NYAP2: variants seen among roughly 807,000 people sequenced by gnomAD.
NYAP2 encodes the protein neuronal tyrosine-phosphorylated phosphoinositide-3-kinase adapter 2.
Under a neutral mutation model 50.4 loss-of-function variants are expected in NYAP2, and 23 were observed. That is an observed-to-expected ratio of 0.46 (90% CI 0.33 to 0.65). The LOEUF is 0.65. Among genes scored for constraint, NYAP2 ranks in the 30% least tolerant of loss-of-function variants. NYAP2 has a pLI of 0.02. For missense variants in NYAP2, 885 were observed against 861.0 expected (o/e 1.03, Z -0.35); for synonymous variants, 394 against 365.2 (o/e 1.08, Z -0.90).
chr2:225,563,467 A>C (rs909021699), intron 4 of NYAP2, among the ~76,000 whole-genome samples: 1 of 152,140 alleles, frequency 6.6e-6, no homozygotes, highest in Non-Finnish European at 1.5e-5. Context: ...AGGGGTGAGC[A>C]TTGTGAGATG....
chr2:225,658,688 AT>A (rs1454511334), downstream of NYAP2, among the ~76,000 whole-genome samples: 6 of 152,192 alleles, frequency 3.9e-5, no homozygotes, highest in African/African-American at 1.4e-4. Flanking sequence ...TTAGTTCTTT[AT>A]GGCACTCTCT....
At chr2:225,586,244 AT>A (rs1235981424) in intron 5 of NYAP2, among the ~76,000 whole-genome samples, 2 of 152,200 alleles carry the variant, frequency 1.3e-5, no homozygotes, top group Non-Finnish European at 2.9e-5. Context: ...AAGGTTTATA[AT>A]TGTTGATGGG....
chr2:225,534,752 T>C (rs1380599706), intron 4 of NYAP2, among the ~76,000 whole-genome samples: 1 of 152,134 alleles, frequency 6.6e-6, no homozygotes, highest in African/African-American at 2.4e-5. Flanking sequence ...ACAAGAGGAT[T>C]GGAGTAAGAG....
intron 3 of NYAP2, among the ~76,000 whole-genome samples, chr2:225,437,809 G>T (rs1173964982): frequency 2.0e-5 from 3 of 152,166 alleles, no homozygotes; most frequent in Non-Finnish European, 4.4e-5. Context: ...CAGAAATCAT[G>T]TCAAACCTAG....
At chr2:225,628,319 T>TG (rs1693246946) in intron 6 of NYAP2, among the ~76,000 whole-genome samples, 1 of 145,174 alleles carries the variant, frequency 6.9e-6, no homozygotes, top group Non-Finnish European at 1.5e-5. Context: ...CACATAGTTT[T>TG]TTTTTTTTTT....
At chr2:225,639,020 T>G (rs1559237183) in intron 6 of NYAP2, among the ~76,000 whole-genome samples, 1 of 151,538 alleles carries the variant, frequency 6.6e-6, no homozygotes, top group Non-Finnish European at 1.5e-5. Context: ...CAGTAAGACT[T>G]TTTGTAACTA....
intron 4 of NYAP2, among the ~76,000 whole-genome samples, chr2:225,556,393 C>T (rs1691776545): frequency 6.6e-6 from 1 of 152,156 alleles, no homozygotes; most frequent in African/African-American, 2.4e-5. Context: ...ATTTTACTGG[C>T]TTAACAAAAT....
intron 4 of NYAP2, among the ~76,000 whole-genome samples, chr2:225,557,274 CATCT>C (rs1331108412): frequency 1.3e-5 from 2 of 152,110 alleles, no homozygotes; most frequent in African/African-American, 4.8e-5. Context: ...TCCTTCCATC[CATCT>C]ATCAATCCAT....
chr2:225,698,627 T>C, the NYAP2 span: 1 of 152,300 alleles, frequency 6.6e-6, no homozygotes, highest in Non-Finnish European at 1.5e-5. Context: ...AACTGTTACA[T>C]ATCTTTTCTG....
At chr2:225,459,120 T>C (rs1169830698) in intron 3 of NYAP2, among the ~76,000 whole-genome samples, 2 of 152,260 alleles carry the variant, frequency 1.3e-5, no homozygotes. Flanking sequence ...TACTGTGTTA[T>C]ATGGATTAAA....
intron 4 of NYAP2, among the ~76,000 whole-genome samples, chr2:225,577,548 G>C (rs1451419802): frequency 1.3e-5 from 2 of 151,782 alleles, no homozygotes; most frequent in Non-Finnish European, 2.9e-5. Context: ...TTCTTATATA[G>C]ATACACTTTT....
Position 225,513,355 on chromosome 2 carries a change from C to CTGCTT in NYAP2, c.222-14_222-10dup, listed in dbSNP as rs1412059400. 6.2e-7 allele frequency: 1 copy of CTGCTT among 1,612,774 alleles called. No homozygotes were observed. The highest frequency in any genetic ancestry group is 1.7e-5 in the Admixed American group (1 of 59,834). On this transcript the variant is annotated splice_polypyrimidine_tract_variant and intron_variant, in intron 3 of 6. Coordinates refer to ENST00000636099, the Ensembl canonical transcript of NYAP2. ...TCCTTTTGTCTTCATGGTTTTTGGT[C>CTGCTT]TGCTTTCTTTTACAGCATAGGTGGA...
intron 4 of NYAP2, among the ~76,000 whole-genome samples, chr2:225,527,688 C>T (rs1048316530): frequency 3.9e-5 from 6 of 151,974 alleles, no homozygotes; most frequent in East Asian, 3.9e-4. Context: ...TTCTCTGTTG[C>T]GCAGGCTGGG....
At chr2:225,694,339 T>C in the NYAP2 span, among the ~76,000 whole-genome samples, 1 of 151,662 alleles carries the variant, frequency 6.6e-6, no homozygotes, top group Non-Finnish European at 1.5e-5. Flanking sequence ...AATTTTGTGA[T>C]AAAAGAAAAG....
At chr2:225,423,658 A>G (rs1695246889) in intron 3 of NYAP2, among the ~76,000 whole-genome samples, 1 of 152,196 alleles carries the variant, frequency 6.6e-6, no homozygotes, top group Non-Finnish European at 1.5e-5. Flanking sequence ...ATGTGCTTTA[A>G]TAATGCATGC....
chr2:225,476,326 C>G (rs1004243251), intron 3 of NYAP2, among the ~76,000 whole-genome samples: 2 of 151,042 alleles, frequency 1.3e-5, no homozygotes, highest in African/African-American at 2.4e-5. Context: ...GGCAGGAGAA[C>G]GGCGTGAACC....
chr2:225,693,260 C>A, the NYAP2 span, among the ~76,000 whole-genome samples: 1 of 151,964 alleles, frequency 6.6e-6, no homozygotes, highest in South Asian at 2.1e-4. Flanking sequence ...TTTGGATGAC[C>A]TTTGGAGCTT....
chr2:225,560,216 C>T (rs1691848277), intron 4 of NYAP2, among the ~76,000 whole-genome samples: 1 of 151,926 alleles, frequency 6.6e-6, no homozygotes. Flanking sequence ...TAAATGTTGA[C>T]CATTTTTTCT....
At chr2:225,399,453 A>G (rs537790275), upstream of NYAP2, among the ~76,000 whole-genome samples, 1 of 152,210 alleles carries the variant, frequency 6.6e-6, no homozygotes, top group East Asian at 1.9e-4. Flanking sequence ...TATCAGAAAT[A>G]GAATGACTTT....
Sources: gnomAD v4.1 joint callset for allele counts (sites outside exome capture counted in the v4.1 genomes callset) on GRCh38, gnomAD v4.1.1 for gene constraint, MANE v1.5 for transcripts, NCBI Gene and HGNC (gene_info 2026-07-23, HGNC 2026-07-21) for gene names.